The following SUSD2 variants were observed in gnomAD, a reference collection of about 807,000 sequenced individuals.
SUSD2 encodes the protein sushi domain containing 2, also known as sushi domain-containing protein 2.
In SUSD2, 86 loss-of-function variants were observed where a neutral mutation model predicts 93.8. The ratio of observed to expected loss-of-function variants is 0.92; its 90% CI spans 0.77 to 1.10. SUSD2 has a LOEUF of 1.10. SUSD2 is among the 50% of genes least tolerant of loss of function. SUSD2 has a pLI of 0.00. For synonymous variants in SUSD2, 483 were observed against 485.0 expected (o/e 1.00, Z 0.05); for missense variants, 1,060 against 1,137.0 (o/e 0.93, Z 0.97).
rs756297700 is a variant in SUSD2, at chr22:24,186,302, A to C, written c.1529A>C (p.Glu510Ala). The change falls in exon 10 of 15, where the codon GAG (glutamate) becomes GCG (alanine). Residue 510 changes from glutamate (E) to alanine (A), a missense_variant. Coordinates refer to ENST00000358321, the MANE Select transcript of SUSD2 (RefSeq NM_019601.4). The part of the protein sequence containing the change: ...GTGLTAVAVQ[E>A]GNSDVVEVRL... Reference sequence around the variant, plus strand: ...GGGCTGACCGCAGTGGCCGTCCAGGAGGGCAACTCAGATGTGGTGGAAGTC... The same window carrying C: ...GGGCTGACCGCAGTGGCCGTCCAGGCGGGCAACTCAGATGTGGTGGAAGTC... 5 of 1,613,900 alleles carry C rather than the reference A, an allele frequency of 3.1e-6. No individual in the cohort carries two copies. The South Asian group carries it at 5.5e-5, about 18-fold the overall frequency.
Position 24,184,758 on chromosome 22 carries a change from T to C in SUSD2, c.608-8T>C. On this transcript the variant is annotated splice_region_variant and splice_polypyrimidine_tract_variant and intron_variant, in intron 4 of 14. Transcript: ENST00000358321. ...ACCCCAGGGCTAACCAGGCATCCTC[T>C]CCCTCAGGAATGCCCTACTCACAGG... is the stretch of plus-strand genomic sequence containing the variant. 1 of 1,568,288 alleles carries C rather than the reference T, an allele frequency of 6.4e-7. No individual in the cohort carries two copies. The highest frequency in any genetic ancestry group is 8.6e-7 in the Non-Finnish European group (1 of 1,156,338).
rs1311483432 is a variant in SUSD2, at chr22:24,187,826, T to A, written c.2147T>A (p.Met716Lys). 1 of 1,592,904 alleles carries A rather than the reference T, an allele frequency of 6.3e-7. No homozygotes were observed. Among genetic ancestry groups the A allele is most frequent in the Non-Finnish European group, 8.6e-7 (1 of 1,169,456 alleles). Residue 716 changes from methionine (M) to lysine (K), a missense_variant, in exon 12 of 15, where the codon ATG (methionine) becomes AAG (lysine). This residue lies in a region of SUSD2 where 973 missense variants were observed against 1,005.3 expected (regional missense o/e 0.97). Coordinates refer to ENST00000358321, the MANE Select transcript of SUSD2 (RefSeq NM_019601.4). ...GCCCACCAGCTGCACCAGCGTCGCA[T>A]GCAGAGCCTGCAGCCAGGTGAGGGC... ...RVAHQLHQRRMQSLQPVVSCG... is the reference protein window; with the variant it reads ...RVAHQLHQRRKQSLQPVVSCG...
intron 10 of SUSD2, 152 bp from the exon 11 acceptor site, chr22:24,187,050 A>G: frequency 1.0e-6 from 1 of 984,544 alleles, no homozygotes; most frequent in Admixed American, 2.5e-5. Flanking sequence ...GCGGAGGGTC[A>G]TGGTCAGCAG....
At chr22:24,184,047 G>A (rs1349093526) in intron 3 of SUSD2, 89 bp from the exon 4 acceptor site, 2 of 1,337,144 alleles carry the variant, frequency 1.5e-6, no homozygotes, top group Non-Finnish European at 2.1e-6. Flanking sequence ...CATTGGCCCT[G>A]GAGGCTCCCA....
chr22:24,182,782 C>CA (rs1233893014), intron 1 of SUSD2: 3 of 445,936 alleles, frequency 6.7e-6, no homozygotes, highest in Non-Finnish European at 1.2e-5. Context: ...CCTGACCCTG[C>CA]AGGGCTGAGC....
intron 10 of SUSD2, 106 bp downstream of exon 10, chr22:24,186,521 G>A: frequency 7.1e-7 from 1 of 1,402,940 alleles, no homozygotes; most frequent in Admixed American, 2.1e-5. Context: ...CCCAGTCCTG[G>A]CTAGAGGCCT....
intron 4 of SUSD2, among the ~76,000 whole-genome samples, chr22:24,184,508 C>T (rs1419427858): frequency 1.3e-5 from 2 of 152,022 alleles, no homozygotes; most frequent in African/African-American, 4.8e-5. Flanking sequence ...GCTCATGGGG[C>T]CTGGCTCCAG....
rs1390500760 is a variant in SUSD2 at position 24,188,799 on chromosome 22, C to A, written c.*363C>A. The A allele has an allele frequency of 1.3e-5, 3 of 229,486 alleles. No individual in the cohort carries two copies. Among genetic ancestry groups the A allele is most frequent in the Non-Finnish European group, 1.7e-5 (2 of 115,214 alleles). The allele number at this position is 229,486 out of a possible 1,614,324, so 14.2% of individuals were successfully genotyped here. ...GACGCCGGGGCCCCTGACCCCTGAG[C>A]CTCAGATTCCAATACCTCACTCCCC... On this transcript the variant is annotated 3_prime_UTR_variant, in exon 15 of 15. Coordinates refer to ENST00000358321, the MANE Select transcript of SUSD2 (RefSeq NM_019601.4). This position sits in a 1 kb window ranked among gnomAD's most constrained non-coding sequence, Gnocchi z 4.7.
In SUSD2 at chr22:24,185,184, T is replaced by G; in HGVS notation, c.873T>G (p.Thr291=). The change falls in exon 6 of 15, where the codon ACT becomes ACG. Residue 291 remains threonine (T), a synonymous_variant. Coordinates refer to ENST00000358321, the MANE Select transcript of SUSD2 (RefSeq NM_019601.4). ...FREDPVAWAR[T]QCQAWEELED... is the part of the protein sequence containing the mutation. ...AGGACCCTGTGGCCTGGGCACGAAC[T>G]CAGTGCCAGGCCTGGGAGGAGCTGG... The G allele has an allele frequency of 6.2e-7, 1 of 1,612,038 alleles. No individual in the cohort carries two copies. Among genetic ancestry groups the G allele is most frequent in the Non-Finnish European group, 8.5e-7 (1 of 1,179,800 alleles).
In SUSD2 at chr22:24,185,513, G is replaced by T; in HGVS notation, c.1012G>T (p.Gly338Cys). 6.4e-7 allele frequency: 1 copy of T among 1,573,740 alleles called. No individual in the cohort carries two copies. Among genetic ancestry groups the T allele is most frequent in the Non-Finnish European group, 8.6e-7 (1 of 1,159,558 alleles). ...GGACTACGGCTGTGACATGGAGCAG[G>T]GCAGCGTGTGCACCTACCACCCCGG... ...FTDYGCDMEQ[G>C]SVCTYHPGAV... is the part of the protein sequence containing the mutation. The change falls in exon 7 of 15, where the codon GGC becomes TGC. Residue 338 changes from glycine (G) to cysteine (C), a missense_variant. Transcript: ENST00000358321.
At chr22:24,187,511 G>T (rs2047376888) in intron 11 of SUSD2, 60 bp from the exon 12 acceptor site, 17 of 1,604,364 alleles carry the variant, frequency 1.1e-5, no homozygotes, top group Non-Finnish European at 1.4e-5. Flanking sequence ...CATGGCACGG[G>T]CAGGGCTTGG....
intron 7 of SUSD2, 45 bp downstream of exon 7, chr22:24,185,616 T>C: frequency 6.2e-7 from 1 of 1,605,998 alleles, no homozygotes; most frequent in Non-Finnish European, 8.5e-7. Flanking sequence ...GGGTCAGGGG[T>C]GGGCTCCCAA....
intron 10 of SUSD2, chr22:24,186,632 C>T (rs1376172213): frequency 2.5e-5 from 15 of 595,780 alleles, no homozygotes; most frequent in Admixed American, 1.5e-4. Flanking sequence ...GTCCTCCCTA[C>T]GGAGGATCCC....
At chr22:24,183,437 C>A (rs1322429584) in intron 2 of SUSD2, 58 bp from the exon 3 acceptor site, 1 of 1,577,252 alleles carries the variant, frequency 6.3e-7, no homozygotes, top group Admixed American at 1.7e-5. Context: ...GGGGCCCAGA[C>A]CATCGAGAGG....
chr22:24,184,344 GC>G, intron 4 of SUSD2, 41 bp downstream of exon 4: 6 of 1,599,732 alleles, frequency 3.8e-6, no homozygotes, highest in Non-Finnish European at 5.1e-6. Flanking sequence ...AGAGCTTTGG[GC>G]CCCCAGAGGG....
intron 10 of SUSD2, chr22:24,186,649 C>T: frequency 1.7e-6 from 1 of 574,720 alleles, no homozygotes; most frequent in Non-Finnish European, 3.1e-6. Flanking sequence ...TCCCGGGAGC[C>T]TTCTGGAGGG....
rs116712499 is a variant in SUSD2, at chr22:24,187,576, G to T, written c.1897G>T (p.Val633Leu). 4 of 1,611,170 alleles carry T rather than the reference G, an allele frequency of 2.5e-6. No homozygotes were observed. In the East Asian group the frequency reaches 8.9e-5, roughly 36 times the overall value. ...CCCGGTCATGTATCTTCCAGGGACC[G>T]TGCACAATGCGTCCTCCCTGCTCAC... ...ELFLFGANWT[V>L]HNASSLLTYD... The change falls in exon 12 of 15, where the codon GTG becomes TTG. Residue 633 changes from valine (V) to leucine (L), a missense_variant. Coordinates refer to ENST00000358321, the MANE Select transcript of SUSD2 (RefSeq NM_019601.4).
rs1206192827 is a variant in SUSD2 at position 24,187,653 on chromosome 22, C to T, written c.1974C>T (p.Asp658=). ...ACTTCCTGTACCAACCCAAGCACGA[C>T]CCCACCTTCGAGCCCCTCTTCCCCA... ...VHNFLYQPKH[D]PTFEPLFPSE... Residue 658 remains aspartate (D), a synonymous_variant, in exon 12 of 15, where the codon GAC becomes GAT. Coordinates refer to ENST00000358321, the MANE Select transcript of SUSD2 (RefSeq NM_019601.4). 2 of 1,614,018 alleles carry T rather than the reference C, an allele frequency of 1.2e-6. No homozygotes were observed. Among genetic ancestry groups the T allele is most frequent in the African/African-American group, 2.7e-5 (2 of 74,946 alleles).
intron 1 of SUSD2, among the ~76,000 whole-genome samples, chr22:24,181,847 C>T (rs973883408): frequency 6.6e-6 from 1 of 152,164 alleles, no homozygotes; most frequent in Non-Finnish European, 1.5e-5. Flanking sequence ...GAGGCCTCCG[C>T]CTGTGTCCCC....
Sources: allele counts gnomAD v4.1 joint callset (sites outside exome capture counted in the v4.1 genomes callset), GRCh38; gene constraint gnomAD v4.1.1; regional missense constraint gnomAD v4.1.1; non-coding constraint Gnocchi (gnomAD v3.1); transcripts MANE v1.5; gene names NCBI Gene and HGNC (gene_info 2026-07-23, HGNC 2026-07-21).